Variants in GALNTL6 observed in about 807,000 individuals in gnomAD.
GALNTL6 encodes the protein polypeptide N-acetylgalactosaminyltransferase like 6, also known as polypeptide N-acetylgalactosaminyltransferase-like 6.
A neutral mutation model predicts 73.7 loss-of-function variants in GALNTL6; 46 were observed. That is an observed-to-expected ratio of 0.62 (90% CI 0.49 to 0.80). GALNTL6 has a LOEUF of 0.80. Ranked by LOEUF, GALNTL6 falls within the 30% of genes least tolerant of loss-of-function variation. The probability of loss-of-function intolerance (pLI) is 0.00; values close to 1 mark genes in which losing one functional copy is unlikely to be tolerated. For synonymous variants in GALNTL6, 259 were observed against 263.7 expected, an observed-to-expected ratio of 0.98 and a Z score of 0.17; for missense variants, 604 against 755.0, an observed-to-expected ratio of 0.80 and a Z score of 2.34.
chr4:172,457,199 G>A (rs566082640), intron 5 of GALNTL6, among the ~76,000 whole-genome samples: 26 of 151,244 alleles, frequency 1.7e-4, no homozygotes, highest in Admixed American at 5.3e-4. Context: ...GCTCCTGAAG[G>A]AAGCACTAAA....
chr4:172,243,040 A>G (rs543621260), intron 3 of GALNTL6, among the ~76,000 whole-genome samples: 7 of 141,100 alleles, frequency 5.0e-5, no homozygotes, highest in Admixed American at 4.2e-4. Context: ...ACTTTATTCC[A>G]CTACCCATAA....
At chr4:172,094,681 A>G (rs1193552994) in intron 2 of GALNTL6, among the ~76,000 whole-genome samples, 3 of 152,116 alleles carry the variant, frequency 2.0e-5, no homozygotes, top group Non-Finnish European at 4.4e-5. Flanking sequence ...TTATTTGTAT[A>G]GATTCTTATT....
At chr4:172,124,712 G>C (rs1733248954) in intron 2 of GALNTL6, among the ~76,000 whole-genome samples, 1 of 152,064 alleles carries the variant, frequency 6.6e-6, no homozygotes, top group Non-Finnish European at 1.5e-5. Flanking sequence ...TCTCCTTAAA[G>C]AAAACTCTTT....
At chr4:172,493,348 C>T (rs1733958119) in intron 5 of GALNTL6, among the ~76,000 whole-genome samples, 1 of 152,132 alleles carries the variant, frequency 6.6e-6, no homozygotes, top group Admixed American at 6.6e-5. Flanking sequence ...TAAACAGACA[C>T]TGTCTTGGAA....
chr4:172,836,523 AG>A (rs1742917284), intron 7 of GALNTL6, among the ~76,000 whole-genome samples: 1 of 152,244 alleles, frequency 6.6e-6, no homozygotes, highest in Non-Finnish European at 1.5e-5. Flanking sequence ...TGTGGCAGTT[AG>A]ATCAAGTTGG....
intron 8 of GALNTL6, among the ~76,000 whole-genome samples, chr4:172,901,236 G>C (rs1421491736): frequency 6.6e-6 from 1 of 152,112 alleles, no homozygotes; most frequent in African/African-American, 2.4e-5. Context: ...GTCCCTCCCT[G>C]TTAGTATTTG....
At chr4:171,966,888 T>C (rs1344888186) in intron 2 of GALNTL6, among the ~76,000 whole-genome samples, 1 of 152,138 alleles carries the variant, frequency 6.6e-6, no homozygotes, top group East Asian at 1.9e-4. Context: ...CTTGTTGTTG[T>C]ACTTTAATTA....
chr4:172,293,907 A>C (rs934590348), intron 3 of GALNTL6, among the ~76,000 whole-genome samples: 2 of 151,382 alleles, frequency 1.3e-5, no homozygotes, highest in Admixed American at 1.3e-4. Flanking sequence ...TTTAGGGTGC[A>C]TGTGCAAACT....
At chr4:172,466,409 T>TA (rs1732821748) in intron 5 of GALNTL6, among the ~76,000 whole-genome samples, 1 of 152,176 alleles carries the variant, frequency 6.6e-6, no homozygotes, top group Non-Finnish European at 1.5e-5. Flanking sequence ...ACGAAAAGAA[T>TA]AAATTTTTTT....
At chr4:171,942,269 T>TAAATAAATAAATAAAAAA (rs1423565851) in intron 2 of GALNTL6, among the ~76,000 whole-genome samples, 137 of 144,210 alleles carry the variant, frequency 9.5e-4, no homozygotes, top group African/African-American at 3.0e-3. Context: ...TAAATAAATA[T>TAAATAAATAAATAAAAAA]AATATACAGA....
intron 5 of GALNTL6, among the ~76,000 whole-genome samples, chr4:172,563,224 G>T (rs147432104): frequency 6.6e-6 from 1 of 152,018 alleles, no homozygotes; most frequent in African/African-American, 2.4e-5. Context: ...TGATTTCCAC[G>T]CACACTCTTC....
intron 2 of GALNTL6, among the ~76,000 whole-genome samples, chr4:171,996,702 A>G (rs545673558): frequency 6.8e-5 from 10 of 146,582 alleles, no homozygotes; most frequent in African/African-American, 2.5e-4. Flanking sequence ...CACATAATAT[A>G]TACTAACAAT....
At chr4:172,770,043 C>G (rs1738670762) in intron 5 of GALNTL6, among the ~76,000 whole-genome samples, 1 of 152,114 alleles carries the variant, frequency 6.6e-6, no homozygotes, top group African/African-American at 2.4e-5. Context: ...TTGGGTGGGT[C>G]ACCTGAGGTC....
chr4:172,042,359 C>G (rs1208447163), intron 2 of GALNTL6, among the ~76,000 whole-genome samples: 1 of 151,986 alleles, frequency 6.6e-6, no homozygotes, highest in Non-Finnish European at 1.5e-5. Flanking sequence ...TGTTTCTAAA[C>G]TGTATATGGC....
intron 2 of GALNTL6, among the ~76,000 whole-genome samples, chr4:172,117,385 C>G (rs1290674940): frequency 6.6e-6 from 1 of 152,072 alleles, no homozygotes; most frequent in Non-Finnish European, 1.5e-5. Context: ...AACACTGAGT[C>G]CTTATTATGT....
Position 172,694,551 on chromosome 4 carries a change from C to T in GALNTL6, c.554-114810C>T, listed in dbSNP as rs1046607949. Among the ~76,000 whole-genome samples, 9 of 152,238 alleles carry T rather than the reference C, an allele frequency of 5.9e-5. No individual in the cohort carries two copies. The South Asian group carries it at 1.4e-3, about 25-fold the overall frequency. On this transcript the variant is annotated intron_variant, in intron 5 of 12. Coordinates refer to ENST00000506823, the MANE Select transcript of GALNTL6 (RefSeq NM_001034845.3). ...GTCTTTATGCAGTCTATCATTGATGCAACTGCCCTATTTCTGTAAAGGACT... is the reference window on the plus strand; with the variant it reads ...GTCTTTATGCAGTCTATCATTGATGTAACTGCCCTATTTCTGTAAAGGACT...
At chr4:172,719,209 A>C (rs745860229) in intron 5 of GALNTL6, among the ~76,000 whole-genome samples, 3 of 152,234 alleles carry the variant, frequency 2.0e-5, no homozygotes, top group Non-Finnish European at 1.5e-5. Context: ...ACTCAAAATG[A>C]ATCAGGCCTG....
chr4:172,014,980 T>C (rs1481827498), intron 2 of GALNTL6, among the ~76,000 whole-genome samples: 1 of 152,144 alleles, frequency 6.6e-6, no homozygotes, highest in Non-Finnish European at 1.5e-5. Flanking sequence ...TCATATTATC[T>C]ATGTTGGAAA....
chr4:172,110,186 T>C (rs1284147475), intron 2 of GALNTL6, among the ~76,000 whole-genome samples: 3 of 152,182 alleles, frequency 2.0e-5, no homozygotes, highest in Non-Finnish European at 4.4e-5. Flanking sequence ...TTTTGAGCGA[T>C]GTTATGAGAT....
Sources: gnomAD v4.1 joint callset for allele counts (sites outside exome capture counted in the v4.1 genomes callset) on GRCh38, gnomAD v4.1.1 for gene constraint, MANE v1.5 for transcripts, NCBI Gene and HGNC (gene_info 2026-07-23, HGNC 2026-07-21) for gene names.